Variants in SNTG1 observed in about 807,000 individuals in gnomAD.
SNTG1 encodes syntrophin gamma 1, also known as gamma-1-syntrophin.
SNTG1 carries 39 observed loss-of-function variants against 74.7 expected under a neutral mutation model. That is an observed-to-expected ratio of 0.52 (90% CI 0.40 to 0.68). The LOEUF is 0.68. Among genes scored for constraint, SNTG1 ranks in the 30% least tolerant of loss-of-function variants. The probability of loss-of-function intolerance (pLI) is 0.00; values close to 1 mark genes in which losing one functional copy is unlikely to be tolerated. For synonymous variants in SNTG1, 254 were observed against 217.1 expected, an observed-to-expected ratio of 1.17 and a Z score of -1.49; for missense variants, 685 against 609.5, an observed-to-expected ratio of 1.12 and a Z score of -1.30.
chr8:50,086,927 C>T (rs773910066), intron 1 of SNTG1, among the ~76,000 whole-genome samples: 17 of 152,102 alleles, frequency 1.1e-4, no homozygotes, highest in Middle Eastern at 3.2e-3. Context: ...ACATTGGAAA[C>T]GGACATTGTT....
At chr8:49,952,968 A>G (rs1156619717) in intron 1 of SNTG1, among the ~76,000 whole-genome samples, 3 of 152,226 alleles carry the variant, frequency 2.0e-5, no homozygotes, top group Non-Finnish European at 4.4e-5. Context: ...ATGTACGTTC[A>G]TGTAGATAAA....
intron 4 of SNTG1, among the ~76,000 whole-genome samples, chr8:50,430,503 T>C (rs2093221804): frequency 6.6e-6 from 1 of 152,170 alleles, no homozygotes; most frequent in Non-Finnish European, 1.5e-5. Context: ...ACATGTATAA[T>C]AGTATTAGGA....
intron 4 of SNTG1, among the ~76,000 whole-genome samples, chr8:50,433,273 T>G (rs903255268): frequency 6.6e-6 from 1 of 152,160 alleles, no homozygotes; most frequent in Non-Finnish European, 1.5e-5. Flanking sequence ...CTTTGGGATT[T>G]TATACGTTGA....
chr8:50,174,451 C>A (rs1483155966), intron 2 of SNTG1, among the ~76,000 whole-genome samples: 1 of 152,148 alleles, frequency 6.6e-6, no homozygotes, highest in Non-Finnish European at 1.5e-5. Flanking sequence ...TACACTTCCA[C>A]CAACAGTGTA....
chr8:50,642,175 A>G (rs1386672917), intron 13 of SNTG1, among the ~76,000 whole-genome samples: 2 of 151,994 alleles, frequency 1.3e-5, no homozygotes, highest in Non-Finnish European at 1.5e-5. Flanking sequence ...CTTAACTTCC[A>G]TTTTTATTTC....
At chr8:50,262,947 G>A (rs2087270855) in intron 2 of SNTG1, among the ~76,000 whole-genome samples, 1 of 152,258 alleles carries the variant, frequency 6.6e-6, no homozygotes, top group Admixed American at 6.5e-5. Flanking sequence ...AGAGAGAGAT[G>A]CATTATCACA....
At chr8:50,289,311 A>G (rs1227696692) in intron 2 of SNTG1, among the ~76,000 whole-genome samples, 4 of 152,186 alleles carry the variant, frequency 2.6e-5, no homozygotes, top group Non-Finnish European at 4.4e-5. Context: ...ATCATTTACT[A>G]AGTTATCACC....
At chr8:50,755,358 G>C (rs975572119) in intron 18 of SNTG1, among the ~76,000 whole-genome samples, 3 of 150,676 alleles carry the variant, frequency 2.0e-5, no homozygotes, top group Non-Finnish European at 4.4e-5. Context: ...TCATACAATA[G>C]TTACCCTTTT....
chr8:49,938,928 G>A (rs977123064), intron 1 of SNTG1, among the ~76,000 whole-genome samples: 2 of 151,852 alleles, frequency 1.3e-5, no homozygotes, highest in African/African-American at 4.8e-5. Context: ...GTGTTTCATA[G>A]TATTCCACAG....
chr8:50,614,202 A>T (rs914683705), intron 13 of SNTG1, among the ~76,000 whole-genome samples: 7 of 152,162 alleles, frequency 4.6e-5, no homozygotes, highest in Non-Finnish European at 7.4e-5. Context: ...GAATAAGAAA[A>T]ATTAGATGGG....
intron 10 of SNTG1, among the ~76,000 whole-genome samples, chr8:50,535,127 G>C (rs778951253): frequency 6.6e-6 from 1 of 152,188 alleles, no homozygotes; most frequent in Non-Finnish European, 1.5e-5. Flanking sequence ...GAGCCATTTA[G>C]CTGGGCTAGA....
intron 17 of SNTG1, among the ~76,000 whole-genome samples, chr8:50,737,596 G>C (rs773195520): frequency 6.6e-6 from 1 of 151,958 alleles, no homozygotes; most frequent in Non-Finnish European, 1.5e-5. Flanking sequence ...ACCTAGTAGA[G>C]ACACAACAAA....
At position 50,572,358 on chromosome 8, in the gene SNTG1, T is replaced by C. The variant is rs185439863; in HGVS notation, c.811-18521T>C. ...TGATTCGACACTGAACATATACCCA[T>C]AGATATTTGTAAGTGATTGCGACCT... is the stretch of plus-strand genomic sequence containing the variant. On this transcript the variant is annotated intron_variant, in intron 12 of 18. Transcript: ENST00000642720. Among the ~76,000 whole-genome samples the C allele has an allele frequency of 5.9e-5, 9 of 152,094 alleles. No individual in the cohort carries two copies. In the East Asian group the frequency reaches 1.7e-3, roughly 29 times the overall value.
chr8:50,569,938 G>T (rs923546602), intron 12 of SNTG1, among the ~76,000 whole-genome samples: 4 of 152,090 alleles, frequency 2.6e-5, no homozygotes, highest in African/African-American at 9.7e-5. Context: ...AAAAGCAAGG[G>T]CAAGTTTGGG....
intron 12 of SNTG1, among the ~76,000 whole-genome samples, chr8:50,578,006 T>A (rs1225750293): frequency 6.6e-6 from 1 of 152,164 alleles, no homozygotes; most frequent in Non-Finnish European, 1.5e-5. Context: ...CTCAAAGCAT[T>A]TGAAAAGATA....
intron 1 of SNTG1, among the ~76,000 whole-genome samples, chr8:50,001,634 G>T (rs1468704314): frequency 1.3e-5 from 2 of 152,136 alleles, no homozygotes; most frequent in African/African-American, 4.8e-5. Flanking sequence ...ATATTGTTGT[G>T]AAATTAAAGC....
chr8:50,221,176 T>C (rs945674814), intron 2 of SNTG1, among the ~76,000 whole-genome samples: 5 of 152,092 alleles, frequency 3.3e-5, no homozygotes, highest in Non-Finnish European at 5.9e-5. Context: ...GAAATCATAA[T>C]GGGAAGACAT....
chr8:50,419,822 A>C (rs1425611030), intron 4 of SNTG1, among the ~76,000 whole-genome samples: 1 of 152,214 alleles, frequency 6.6e-6, no homozygotes, highest in South Asian at 2.1e-4. Context: ...AAATGAGAAA[A>C]TAGAATATCT....
chr8:50,232,429 C>T (rs1172787028), intron 2 of SNTG1, among the ~76,000 whole-genome samples: 1 of 151,304 alleles, frequency 6.6e-6, no homozygotes. Flanking sequence ...AAAGAACATT[C>T]TGAACTTAAT....
Sources: gnomAD v4.1 joint callset for allele counts (sites outside exome capture counted in the v4.1 genomes callset) on GRCh38, gnomAD v4.1.1 for gene constraint, MANE v1.5 for transcripts, NCBI Gene and HGNC (gene_info 2026-07-23, HGNC 2026-07-21) for gene names.